The following CRYZL1 variants were observed in gnomAD, a reference collection of about 807,000 sequenced individuals.
CRYZL1 encodes the protein ferry endosomal RAB5 effector complex subunit 4.
CRYZL1 carries 34 observed loss-of-function variants against 50.6 expected under a neutral mutation model. The observed-to-expected ratio is 0.67, with a 90% CI of 0.51 to 0.89. The LOEUF is 0.89. CRYZL1 is among the 40% of genes least tolerant of loss of function. The pLI, the probability that CRYZL1 is intolerant of heterozygous loss-of-function variation, is 0.00. For synonymous variants in CRYZL1, 125 were observed against 134.3 expected (o/e 0.93, Z 0.48); for missense variants, 354 against 402.3 (o/e 0.88, Z 1.03).
At chr21:33,617,704 G>GGAACA (rs2086950095) in intron 4 of CRYZL1, among the ~76,000 whole-genome samples, 1 of 152,126 alleles carries the variant, frequency 6.6e-6, no homozygotes, top group Admixed American at 6.6e-5. Flanking sequence ...TAATCAGAAC[G>GGAACA]GAACAGAACA....
At chr21:33,640,166 G>A (rs2087261796) in intron 1 of CRYZL1, 1 of 1,548,228 alleles carries the variant, frequency 6.5e-7, no homozygotes, top group African/African-American at 1.4e-5. Flanking sequence ...AAACTCTCCT[G>A]AGCTCAATGT....
At position 33,616,769 on chromosome 21, in the gene CRYZL1, T is replaced by G; in HGVS notation, c.218-19A>C. 1 of 1,560,714 alleles carries G rather than the reference T, an allele frequency of 6.4e-7. No homozygotes were observed. Among genetic ancestry groups the G allele is most frequent in the Non-Finnish European group, 8.7e-7 (1 of 1,144,994 alleles). On this transcript the variant is annotated intron_variant, in intron 4 of 12. Coordinates refer to ENST00000381554, the MANE Select transcript of CRYZL1 (RefSeq NM_145858.3). ...CTTCCAACTAAAGAGTGAAGAAAAT[T>G]AATAGTTAATATTACAAGTTTATTA...
chr21:33,615,845 C>T (rs2086923822), intron 5 of CRYZL1, among the ~76,000 whole-genome samples: 1 of 152,128 alleles, frequency 6.6e-6, no homozygotes. Flanking sequence ...TGGCCACAGA[C>T]TAAGCATCTG....
intron 1 of CRYZL1, 132 bp downstream of exon 1, chr21:33,641,549 G>C (rs1305238343): frequency 2.4e-6 from 1 of 408,350 alleles, no homozygotes; most frequent in Non-Finnish European, 4.4e-6. Context: ...GCCTGGGCCC[G>C]AACAAGTCCC....
At chr21:33,621,928 C>T in intron 4 of CRYZL1, 68 bp downstream of exon 4, 2 of 1,024,342 alleles carry the variant, frequency 2.0e-6, no homozygotes. Flanking sequence ...TACCAGTAAA[C>T]CAATTAGCTA....
chr21:33,589,871 T>G lies in CRYZL1; in HGVS notation c.1001A>C (p.Glu334Ala), dbSNP rs2086624201. 4 of 1,612,992 alleles carry G rather than the reference T, an allele frequency of 2.5e-6. No homozygotes were observed. Among genetic ancestry groups the G allele is most frequent in the Non-Finnish European group, 3.4e-6 (4 of 1,179,530 alleles). The change falls in exon 13 of 13, where the codon GAA becomes GCA. Residue 334 changes from glutamate (E) to alanine (A), a missense_variant. Transcript: ENST00000381554. ...IPLYEAKVSM[E>A]AVQKNQGRKK... ...TCTTCCTTGATTTTTCTGAACAGCT[T>G]CCATGGAAACTTTTGCCTCATACAG...
chr21:33,624,796 T>G (rs1334255631), intron 2 of CRYZL1, 36 bp from the exon 3 acceptor site: 1 of 1,575,376 alleles, frequency 6.3e-7, no homozygotes, highest in African/African-American at 1.4e-5. Context: ...TATGTTATTT[T>G]ACACATTCCT....
chr21:33,604,106 G>A (rs1479644080), intron 6 of CRYZL1, among the ~76,000 whole-genome samples: 6 of 152,156 alleles, frequency 3.9e-5, no homozygotes, highest in Non-Finnish European at 8.8e-5. Context: ...GGTGGCTCAC[G>A]CTTGTAATCC....
chr21:33,599,069 T>C, intron 9 of CRYZL1, 81 bp downstream of exon 9: 1 of 1,273,044 alleles, frequency 7.9e-7, no homozygotes, highest in Non-Finnish European at 1.1e-6. Flanking sequence ...GCATTAATAA[T>C]TATGCCCTGG....
At chr21:33,599,104 C>T in intron 9 of CRYZL1, 46 bp downstream of exon 9, 1 of 1,574,028 alleles carries the variant, frequency 6.4e-7, no homozygotes, top group East Asian at 2.2e-5. Flanking sequence ...TTAAATTCAT[C>T]AAACTAAAAA....
Position 33,623,794 on chromosome 21 carries a change from C to T in CRYZL1, c.144+889G>A, listed in dbSNP as rs995098467. Among the ~76,000 whole-genome samples, 8 of 152,180 alleles carry T rather than the reference C, an allele frequency of 5.3e-5. 1 individual carries two copies. The highest frequency in any genetic ancestry group is 3.3e-4 in the Admixed American group (5 of 15,274). Reference sequence around the variant, plus strand: ...CAAACAAAAAAACGGAGTAAATGGACCTGCTCAATTTATCATGGCACATTT... The same window carrying T: ...CAAACAAAAAAACGGAGTAAATGGATCTGCTCAATTTATCATGGCACATTT... On this transcript the variant is annotated intron_variant, in intron 3 of 12. Coordinates refer to ENST00000381554, the MANE Select transcript of CRYZL1 (RefSeq NM_145858.3).
At chr21:33,624,594 C>T in intron 3 of CRYZL1, 89 bp downstream of exon 3, 1 of 1,538,004 alleles carries the variant, frequency 6.5e-7, no homozygotes, top group South Asian at 1.2e-5. Context: ...AAATTCTTCA[C>T]ATTGAGAGGT....
chr21:33,598,342 T>C (rs2086716434), intron 9 of CRYZL1, among the ~76,000 whole-genome samples: 1 of 152,242 alleles, frequency 6.6e-6, no homozygotes, highest in Non-Finnish European at 1.5e-5. Flanking sequence ...AACCACACTA[T>C]AGTCATAACC....
intron 2 of CRYZL1, among the ~76,000 whole-genome samples, chr21:33,625,312 T>A (rs570964346): frequency 2.0e-5 from 3 of 151,294 alleles, no homozygotes; most frequent in African/African-American, 7.3e-5. Context: ...CCCGCCACCA[T>A]GCCCAGCTAA....
intron 2 of CRYZL1, among the ~76,000 whole-genome samples, chr21:33,629,492 A>G (rs1448003151): frequency 6.6e-6 from 1 of 152,106 alleles, no homozygotes; most frequent in East Asian, 1.9e-4. Context: ...TGAACTCTTG[A>G]GCTCAGGCAA....
intron 11 of CRYZL1, 76 bp downstream of exon 11, chr21:33,595,655 C>A (rs1459615140): frequency 6.3e-7 from 1 of 1,584,676 alleles, no homozygotes; most frequent in African/African-American, 1.4e-5. Flanking sequence ...ATTATTATTT[C>A]CTATTATCGT....
intron 3 of CRYZL1, 133 bp downstream of exon 3, chr21:33,624,550 A>C: frequency 6.4e-6 from 9 of 1,413,284 alleles, no homozygotes; most frequent in Non-Finnish European, 8.4e-6. Flanking sequence ...ACTCCGTCTC[A>C]AATAAAAAAA....
intron 4 of CRYZL1, 162 bp from the exon 5 acceptor site, chr21:33,616,912 A>C (rs1364630329): frequency 1.8e-6 from 1 of 561,428 alleles, no homozygotes; most frequent in African/African-American, 1.9e-5. Context: ...TGGTCTGTAA[A>C]GACTACAGGA....
At chr21:33,599,288 A>G (rs774870409) in intron 8 of CRYZL1, 40 bp from the exon 9 acceptor site, 7 of 1,613,518 alleles carry the variant, frequency 4.3e-6, no homozygotes, top group Non-Finnish European at 5.1e-6. Flanking sequence ...ACTGTTCTCT[A>G]TGTGATCAAC....
Sources: allele counts gnomAD v4.1 joint callset (sites outside exome capture counted in the v4.1 genomes callset), GRCh38; gene constraint gnomAD v4.1.1; transcripts MANE v1.5; gene names NCBI Gene and HGNC (gene_info 2026-07-23, HGNC 2026-07-21).